Variants in THSD7A observed in about 807,000 individuals in gnomAD.
THSD7A encodes thrombospondin type-1 domain-containing protein 7A.
Under a neutral mutation model 231.3 loss-of-function variants are expected in THSD7A, and 96 were observed. That is an observed-to-expected ratio of 0.41 (90% confidence interval 0.35 to 0.49). The LOEUF (loss-of-function observed/expected upper bound fraction) is 0.49, where lower values mean the gene tolerates loss of function less well. Ranked by LOEUF, THSD7A falls within the 20% of genes least tolerant of loss-of-function variation. The probability of loss-of-function intolerance (pLI) is 0.05; values close to 1 mark genes in which losing one functional copy is unlikely to be tolerated. For synonymous variants in THSD7A, 940 were observed against 743.3 expected (o/e 1.26, Z -4.30); for missense variants, 2,290 against 2,070.2 (o/e 1.11, Z -2.06).
rs1180665567 is a variant in THSD7A at position 11,407,303 on chromosome 7, A to C, written c.3916+3T>G. On this transcript the variant is annotated splice_donor_region_variant and intron_variant, in intron 20 of 27. Coordinates refer to ENST00000423059, the MANE Select transcript of THSD7A (RefSeq NM_015204.3). Reference sequence around the variant, plus strand: ...CCTAATATAAGTTATGGTACAAACAAACCTGTGAGGCCACATGTTTGAGAA... The same window carrying C: ...CCTAATATAAGTTATGGTACAAACACACCTGTGAGGCCACATGTTTGAGAA... 1.9e-6 allele frequency: 3 copies of C among 1,610,614 alleles called. No individual in the cohort carries two copies. In the African/African-American group the frequency reaches 4.0e-5, roughly 22 times the overall value.
Position 11,451,083 on chromosome 7 carries a change from A to G in THSD7A, c.2606-3659T>C, listed in dbSNP as rs1210347087. Among the ~76,000 whole-genome samples the G allele has an allele frequency of 2.6e-5, 4 of 152,164 alleles. No individual in the cohort carries two copies. The East Asian group carries it at 7.7e-4, about 29-fold the overall frequency. On this transcript the variant is annotated intron_variant, in intron 11 of 27. Transcript: ENST00000423059. ...TGACTGATTTGTGGGTTACATATGA[A>G]TCAACTTAAACAAGCTTAGCCCATC...
At chr7:11,380,232 AAAC>A (rs1374200014) in intron 24 of THSD7A, among the ~76,000 whole-genome samples, 3 of 152,182 alleles carry the variant, frequency 2.0e-5, no homozygotes, top group Non-Finnish European at 4.4e-5. Flanking sequence ...ATAGAGAAGA[AAAC>A]AAATGTATCT....
chr7:11,552,933 C>A lies in THSD7A; in HGVS notation c.1454-9816G>T, dbSNP rs953298119. Among the ~76,000 whole-genome samples the A allele has an allele frequency of 3.9e-5, 6 of 152,212 alleles. 2 individuals are homozygous for A. The highest frequency in any genetic ancestry group is 6.5e-5 in the Admixed American group (1 of 15,278). ...ACCTGACTATAAAATCCAGCACATC[C>A]CCCTCCCTCGGGTCTTTTCTGCTCA... On this transcript the variant is annotated intron_variant, in intron 4 of 27. Transcript: ENST00000423059.
At chr7:11,472,844 T>C (rs1785993002) in intron 8 of THSD7A, among the ~76,000 whole-genome samples, 1 of 152,140 alleles carries the variant, frequency 6.6e-6, no homozygotes, top group Non-Finnish European at 1.5e-5. Flanking sequence ...CTCAGCACAA[T>C]AACCCTCATC....
chr7:11,820,721 C>T lies in THSD7A; in HGVS notation c.190+11036G>A, dbSNP rs937548061. The stretch of plus-strand genomic sequence containing the variant: ...CTCAAAGCCCGTGGAGCTCTCCTCT[C>T]TTTTCTCTGTCTCTTCAGTGTACTC... On this transcript the variant is annotated intron_variant, in intron 1 of 27. Transcript: ENST00000423059. The T allele has an allele frequency of 1.0e-5, 11 of 1,071,736 alleles. No homozygotes were observed. The Admixed American group carries it at 1.4e-4, about 13-fold the overall frequency. The allele number at this position is 1,071,736 out of a possible 1,614,324, so 66.4% of individuals were successfully genotyped here. A position where few individuals can be genotyped will look rare whatever the true frequency, so the allele number is the denominator to read the frequency against.
intron 2 of THSD7A, among the ~76,000 whole-genome samples, chr7:11,622,646 C>A (rs1260965251): frequency 2.6e-5 from 4 of 152,104 alleles, no homozygotes; most frequent in Non-Finnish European, 5.9e-5. Flanking sequence ...CCTCTCCAGA[C>A]TACCTAAAAG....
intron 1 of THSD7A, among the ~76,000 whole-genome samples, chr7:11,747,132 C>T (rs935050870): frequency 6.6e-6 from 1 of 151,918 alleles, no homozygotes; most frequent in Non-Finnish European, 1.5e-5. Flanking sequence ...AGAGGTTGCA[C>T]TTAAAAGTGA....
At chr7:11,587,741 A>C (rs572543131) in intron 4 of THSD7A, among the ~76,000 whole-genome samples, 5 of 152,294 alleles carry the variant, frequency 3.3e-5, no homozygotes, top group African/African-American at 1.2e-4. Flanking sequence ...ATGAGTAAAA[A>C]AGTTATTAAT....
chr7:11,535,411 A>T (rs1285373264), intron 6 of THSD7A, among the ~76,000 whole-genome samples: 1 of 152,090 alleles, frequency 6.6e-6, no homozygotes, highest in African/African-American at 2.4e-5. Flanking sequence ...ATTACTACAC[A>T]CCAACACTGA....
At chr7:11,532,000 A>C (rs573452117) in intron 6 of THSD7A, among the ~76,000 whole-genome samples, 1 of 152,136 alleles carries the variant, frequency 6.6e-6, no homozygotes, top group Non-Finnish European at 1.5e-5. Context: ...GCTTTGACCC[A>C]TAGAATGTGG....
rs1035198335 is a variant in THSD7A at position 11,444,981 on chromosome 7, T to G, written c.3064+1080A>C. 1.3e-5 allele frequency among the ~76,000 whole-genome samples: 2 copies of G among 149,954 alleles called. No individual in the cohort carries two copies. Among genetic ancestry groups the G allele is most frequent in the African/African-American group, 4.9e-5 (2 of 41,076 alleles). On this transcript the variant is annotated intron_variant, in intron 13 of 27. Transcript: ENST00000423059. The surrounding 1 kb of genome is among the most constrained non-coding windows in gnomAD (Gnocchi z 4.2). Reference sequence around the variant, plus strand: ...TATATATATATTAAATGAAACTTCTTTGTAGTGAGATGTTTAAGAGATTTC... The same window carrying G: ...TATATATATATTAAATGAAACTTCTGTGTAGTGAGATGTTTAAGAGATTTC...
intron 1 of THSD7A, among the ~76,000 whole-genome samples, chr7:11,671,634 T>C (rs892656667): frequency 1.3e-5 from 2 of 152,146 alleles, no homozygotes; most frequent in African/African-American, 4.8e-5. Context: ...GATGTTAGCT[T>C]TATTTATAGG....
chr7:11,724,649 C>T (rs996635380), intron 1 of THSD7A, among the ~76,000 whole-genome samples: 2 of 151,822 alleles, frequency 1.3e-5, no homozygotes, highest in African/African-American at 4.8e-5. Flanking sequence ...GACAAAAAAA[C>T]AGTTTTGAAC....
intron 1 of THSD7A, among the ~76,000 whole-genome samples, chr7:11,710,831 T>C (rs562877374): frequency 6.6e-6 from 1 of 151,048 alleles, no homozygotes; most frequent in African/African-American, 2.4e-5. Flanking sequence ...GAGGATAATA[T>C]AGAGTTGAAT....
At chr7:11,397,978 G>A (rs948673047) in intron 23 of THSD7A, among the ~76,000 whole-genome samples, 1 of 152,148 alleles carries the variant, frequency 6.6e-6, no homozygotes, top group African/African-American at 2.4e-5. Flanking sequence ...CAACCATTGT[G>A]GAACACAGCA....
intron 6 of THSD7A, among the ~76,000 whole-genome samples, chr7:11,520,709 C>G (rs1017869362): frequency 6.6e-6 from 1 of 152,130 alleles, no homozygotes; most frequent in Non-Finnish European, 1.5e-5. Context: ...TATAATTTGA[C>G]TAGAATTTAA....
intron 23 of THSD7A, among the ~76,000 whole-genome samples, chr7:11,391,450 G>T (rs569389781): frequency 1.2e-3 from 177 of 150,514 alleles, no homozygotes; most frequent in Non-Finnish European, 2.1e-3. Flanking sequence ...CCCCTCCCCA[G>T]CTCGAGCATC....
rs562547019 is a variant in THSD7A at position 11,662,308 on chromosome 7, T to C, written c.191-25347A>G. Among the ~76,000 whole-genome samples, 8 of 151,368 alleles carry C rather than the reference T, an allele frequency of 5.3e-5. No homozygotes were observed. The East Asian group carries it at 5.8e-4, about 11-fold the overall frequency. ...ATTAAAGACAGACATTTAATACAGA[T>C]TGGTAAGTTTTAATAAAATTGATAA... On this transcript the variant is annotated intron_variant, in intron 1 of 27. Transcript: ENST00000423059.
intron 10 of THSD7A, 135 bp from the exon 11 acceptor site, chr7:11,460,900 T>G (rs1239486000): frequency 2.5e-5 from 16 of 638,788 alleles, no homozygotes; most frequent in Non-Finnish European, 3.2e-5. Context: ...TATCTAAATT[T>G]AATTTAGATC....
Sources: gnomAD v4.1 joint callset for allele counts (sites outside exome capture counted in the v4.1 genomes callset) on GRCh38, gnomAD v4.1.1 for gene constraint, Gnocchi (gnomAD v3.1) non-coding constraint, MANE v1.5 for transcripts, NCBI Gene and HGNC (gene_info 2026-07-23, HGNC 2026-07-21) for gene names.